COX7B2: variants seen among roughly 807,000 people sequenced by gnomAD.
COX7B2 encodes cytochrome c oxidase subunit 7B2.
For missense variants in COX7B2, 109 were observed against 95.9 expected, an observed-to-expected ratio of 1.14 and a Z score of -0.57; for synonymous variants, 37 against 32.1, an observed-to-expected ratio of 1.15 and a Z score of -0.51.
chr4:46,853,027 T>C (rs1181998995), intron 1 of COX7B2, among the ~76,000 whole-genome samples: 1 of 152,166 alleles, frequency 6.6e-6, no homozygotes, highest in Non-Finnish European at 1.5e-5. Flanking sequence ...GTGAATTCAA[T>C]AGTAATGAGT....
chr4:46,755,515 G>A (rs1318503415), intron 2 of COX7B2, among the ~76,000 whole-genome samples: 1 of 151,960 alleles, frequency 6.6e-6, no homozygotes, highest in African/African-American at 2.4e-5. Flanking sequence ...TAGAAAATAG[G>A]AAGTCAACGT....
intron 2 of COX7B2, among the ~76,000 whole-genome samples, chr4:46,802,616 T>C (rs1718716618): frequency 6.6e-6 from 1 of 152,282 alleles, no homozygotes; most frequent in African/African-American, 2.4e-5. Flanking sequence ...TCAATGACAG[T>C]ACTGCAATCT....
At chr4:46,813,196 T>C (rs1309064284) in intron 2 of COX7B2, among the ~76,000 whole-genome samples, 3 of 152,218 alleles carry the variant, frequency 2.0e-5, no homozygotes, top group African/African-American at 7.2e-5. Flanking sequence ...TATGATTAAA[T>C]AATATTCAAT....
intron 2 of COX7B2, among the ~76,000 whole-genome samples, chr4:46,807,205 A>T (rs1302173506): frequency 6.6e-6 from 1 of 151,860 alleles, no homozygotes; most frequent in African/African-American, 2.4e-5. Context: ...TATAATAGCC[A>T]TCCTAACAGG....
intron 2 of COX7B2, among the ~76,000 whole-genome samples, chr4:46,773,707 T>A (rs1324716118): frequency 6.6e-6 from 1 of 152,156 alleles, no homozygotes; most frequent in Non-Finnish European, 1.5e-5. Flanking sequence ...GGCTTCTGGA[T>A]CTAATTTTTT....
chr4:46,835,749 G>A (rs1715473763), intron 2 of COX7B2, among the ~76,000 whole-genome samples: 1 of 152,090 alleles, frequency 6.6e-6, no homozygotes, highest in African/African-American at 2.4e-5. Flanking sequence ...ATTTAATGAT[G>A]GGGACATGTT....
At chr4:46,884,802 C>G (rs902305213) in intron 1 of COX7B2, among the ~76,000 whole-genome samples, 2 of 152,026 alleles carry the variant, frequency 1.3e-5, no homozygotes, top group African/African-American at 4.8e-5. Context: ...CTCCTTCTGT[C>G]AAATTACTTT....
intron 2 of COX7B2, among the ~76,000 whole-genome samples, chr4:46,738,786 G>A (rs560850704): frequency 6.6e-6 from 1 of 152,018 alleles, no homozygotes; most frequent in East Asian, 1.9e-4. Context: ...ACTACAAAAA[G>A]ATAGAGGAAG....
chr4:46,864,801 C>G (rs1374039624), intron 1 of COX7B2, among the ~76,000 whole-genome samples: 5 of 152,068 alleles, frequency 3.3e-5, no homozygotes, highest in South Asian at 2.1e-4. Flanking sequence ...CCGGCCACCA[C>G]GCCCGGCTAA....
At chr4:46,839,594 T>C (rs191785775) in intron 2 of COX7B2, among the ~76,000 whole-genome samples, 49 of 152,144 alleles carry the variant, frequency 3.2e-4, no homozygotes, top group African/African-American at 1.2e-3. Flanking sequence ...ACACGAGAGA[T>C]TCATTTCCTG....
At chr4:46,802,398 G>A (rs545789457) in intron 2 of COX7B2, among the ~76,000 whole-genome samples, 87 of 152,214 alleles carry the variant, frequency 5.7e-4, no homozygotes, top group Non-Finnish European at 1.2e-3. Context: ...TGCTTATTTA[G>A]CTAGTTTCTA....
chr4:46,742,055 A>G (rs1266383126), intron 2 of COX7B2, among the ~76,000 whole-genome samples: 1 of 152,192 alleles, frequency 6.6e-6, no homozygotes, highest in East Asian at 1.9e-4. Context: ...ATAGTAATTG[A>G]ATCTACTACC....
At position 46,900,001 on chromosome 4, in the gene COX7B2, T is replaced by C. The variant is rs140964146; in HGVS notation, c.-105+9159A>G. Among the ~76,000 whole-genome samples the C allele has an allele frequency of 5.0e-3, 768 of 152,244 alleles. 3 individuals are homozygous for C. Among genetic ancestry groups the C allele is most frequent in the African/African-American group, 0.017 (714 of 41,542 alleles). On this transcript the variant is annotated intron_variant, in intron 1 of 2. Transcript: ENST00000355591. ...ATATATTCACTATATAGTCAGAAAA[T>C]CTTTAATTTCATTTCTCATAAAAAC...
chr4:46,764,730 T>C (rs184730089), intron 2 of COX7B2, among the ~76,000 whole-genome samples: 8 of 150,654 alleles, frequency 5.3e-5, no homozygotes, highest in African/African-American at 1.9e-4. Context: ...AGTTAAGTGT[T>C]ATCTACATTA....
At chr4:46,850,268 T>A (rs1716585819) in intron 1 of COX7B2, among the ~76,000 whole-genome samples, 3 of 149,580 alleles carry the variant, frequency 2.0e-5, no homozygotes, top group Admixed American at 2.0e-4. Flanking sequence ...TTAAAATGAT[T>A]TAAAAATAAT....
intron 2 of COX7B2, among the ~76,000 whole-genome samples, chr4:46,749,170 CATCTCCA>C (rs1715196865): frequency 6.6e-6 from 1 of 152,136 alleles, no homozygotes; most frequent in Non-Finnish European, 1.5e-5. Context: ...CAGTGAACAG[CATCTCCA>C]TCATTTAGCT....
intron 1 of COX7B2, among the ~76,000 whole-genome samples, chr4:46,868,426 G>A (rs1024375293): frequency 2.0e-5 from 3 of 152,014 alleles, no homozygotes; most frequent in African/African-American, 4.8e-5. Context: ...AGGTTGATTT[G>A]TTCTTGCTTC....
chr4:46,881,833 G>A (rs774148306), intron 1 of COX7B2, among the ~76,000 whole-genome samples: 1 of 152,088 alleles, frequency 6.6e-6, no homozygotes, highest in Non-Finnish European at 1.5e-5. Flanking sequence ...GTTGTCTTCT[G>A]CTAGCTTTGA....
intron 1 of COX7B2, among the ~76,000 whole-genome samples, chr4:46,867,896 A>G (rs551162308): frequency 1.3e-5 from 2 of 152,178 alleles, no homozygotes; most frequent in Non-Finnish European, 2.9e-5. Context: ...TCACAGAAAG[A>G]GTTGGGGAGG....
Sources: gnomAD v4.1 joint callset for allele counts (sites outside exome capture counted in the v4.1 genomes callset) on GRCh38, gnomAD v4.1.1 for gene constraint, MANE v1.5 for transcripts, NCBI Gene and HGNC (gene_info 2026-07-23, HGNC 2026-07-21) for gene names.